The following HDAC9 variants were observed in gnomAD, a reference collection of about 807,000 sequenced individuals.
The protein encoded by HDAC9 is MEF-2 interacting transcription repressor (MITR) protein.
Under a neutral mutation model 139.4 loss-of-function variants are expected in HDAC9, and 41 were observed. The ratio of observed to expected loss-of-function variants is 0.29; its 90% CI spans 0.23 to 0.38. The LOEUF (loss-of-function observed/expected upper bound fraction) is 0.38, where lower values mean the gene tolerates loss of function less well. Ranked by LOEUF, HDAC9 falls within the 10% of genes least tolerant of loss-of-function variation. The pLI is 1.00. For synonymous variants in HDAC9, 517 were observed against 476.2 expected (o/e 1.09, Z -1.12); for missense variants, 1,147 against 1,297.0 (o/e 0.88, Z 1.78).
intron 1 of HDAC9, among the ~76,000 whole-genome samples, chr7:18,349,235 G>A (rs928526293): frequency 6.7e-6 from 1 of 149,678 alleles, no homozygotes; most frequent in African/African-American, 2.5e-5. Flanking sequence ...TCTTGCCTTA[G>A]GTAAGCTGTG....
At chr7:18,799,487 A>C (rs1677232427) in intron 17 of HDAC9, among the ~76,000 whole-genome samples, 1 of 152,248 alleles carries the variant, frequency 6.6e-6, no homozygotes, top group Non-Finnish European at 1.5e-5. Flanking sequence ...ACTAAGCTAG[A>C]TATTTTTAAT....
chr7:18,647,954 T>C lies in HDAC9; in HGVS notation c.1205T>C (p.Leu402Ser). The change falls in exon 10 of 26, where the codon TTA becomes TCA. Residue 402 changes from leucine to serine, a missense_variant. By Grantham distance (145) the Leu-to-Ser change is moderately radical (BLOSUM62 -2). Coordinates refer to ENST00000686413, the MANE Select transcript of HDAC9 (RefSeq NM_178425.4). ...NSSHQALLQH[L>S]LLKEQMRQQK... ...AGCCACCAGGCTCTCCTGCAGCATT[T>C]ATTATTGAAAGAACAAATGCGACAG... The C allele has an allele frequency of 2.5e-6, 4 of 1,612,306 alleles. No homozygotes were observed. The highest frequency in any genetic ancestry group is 3.4e-6 in the Non-Finnish European group (4 of 1,179,198).
chr7:18,843,395 C>T (rs1451396728), intron 21 of HDAC9, among the ~76,000 whole-genome samples: 1 of 151,922 alleles, frequency 6.6e-6, no homozygotes, highest in South Asian at 2.1e-4. Flanking sequence ...AAGGAGCTTA[C>T]GTCAATTCAT....
At chr7:18,238,885 G>C (rs1446209535) in intron 2 of HDAC9, among the ~76,000 whole-genome samples, 1 of 152,186 alleles carries the variant, frequency 6.6e-6, no homozygotes, top group East Asian at 1.9e-4. Flanking sequence ...GTGTGGAACA[G>C]ACTCCAGAGG....
chr7:18,549,901 A>AT (rs1352190548), intron 2 of HDAC9, among the ~76,000 whole-genome samples: 5 of 150,162 alleles, frequency 3.3e-5, no homozygotes, highest in Non-Finnish European at 7.4e-5. Context: ...CTTTTGCAGG[A>AT]TTTTTTTTCT....
chr7:18,351,218 A>G (rs1339140394), intron 1 of HDAC9, among the ~76,000 whole-genome samples: 1 of 152,178 alleles, frequency 6.6e-6, no homozygotes, highest in South Asian at 2.1e-4. Flanking sequence ...ACTTTAATAC[A>G]TCATTGCCTG....
intron 11 of HDAC9, among the ~76,000 whole-genome samples, chr7:18,659,259 G>T (rs2129056671): frequency 6.6e-6 from 1 of 152,210 alleles, no homozygotes; most frequent in Admixed American, 6.5e-5. Flanking sequence ...CTTGTATCAA[G>T]TTATATAATT....
intron 2 of HDAC9, among the ~76,000 whole-genome samples, chr7:18,190,496 C>T (rs1051632679): frequency 6.6e-6 from 1 of 152,000 alleles, no homozygotes; most frequent in Non-Finnish European, 1.5e-5. Context: ...TCCTGATAAA[C>T]CCATTATAAG....
chr7:18,103,614 C>T (rs761577211), intron 1 of HDAC9, among the ~76,000 whole-genome samples: 12 of 152,088 alleles, frequency 7.9e-5, no homozygotes, highest in Non-Finnish European at 1.3e-4. Flanking sequence ...GTCTCTGTCA[C>T]GTACAGCCAA....
chr7:18,635,277 A>T (rs533316764), intron 8 of HDAC9, among the ~76,000 whole-genome samples: 3 of 151,996 alleles, frequency 2.0e-5, no homozygotes, highest in Non-Finnish European at 4.4e-5. Flanking sequence ...CTGAAAAGTG[A>T]TGAAAAATAA....
rs1170873124 is a variant in HDAC9 at position 18,793,407 on chromosome 7, C to T, written c.2277C>T (p.Gly759=). The T allele has an allele frequency of 2.5e-6, 4 of 1,586,080 alleles. No homozygotes were observed. Among genetic ancestry groups the T allele is most frequent in the Non-Finnish European group, 3.4e-6 (4 of 1,166,230 alleles). ...HSSGAARMAV[G]CVIELASKVA... ...CCGGTGCTGCACGCATGGCTGTTGG[C>T]TGTGTCATCGAGCTGGCTTCCAAAG... is the stretch of plus-strand genomic sequence containing the variant. The change falls in exon 17 of 26, where the codon GGC becomes GGT. Residue 759 remains glycine, a synonymous_variant. Coordinates refer to ENST00000686413, the MANE Select transcript of HDAC9 (RefSeq NM_178425.4).
intron 1 of HDAC9, among the ~76,000 whole-genome samples, chr7:18,456,208 A>C (rs999338877): frequency 9.9e-5 from 15 of 152,118 alleles, no homozygotes; most frequent in African/African-American, 3.4e-4. Context: ...TTATTTGTCC[A>C]ACTTTACTTT....
chr7:18,908,763 T>C (rs1015337786), intron 22 of HDAC9, among the ~76,000 whole-genome samples: 2 of 152,108 alleles, frequency 1.3e-5, no homozygotes, highest in Non-Finnish European at 2.9e-5. Flanking sequence ...TTGTATAAGA[T>C]TCCATTGTCT....
intron 1 of HDAC9, among the ~76,000 whole-genome samples, chr7:18,297,046 T>C (rs1034136670): frequency 1.3e-5 from 2 of 152,138 alleles, no homozygotes; most frequent in African/African-American, 4.8e-5. Flanking sequence ...CAATTCAAGA[T>C]AGAGACTTAG....
Position 18,476,051 on chromosome 7 carries a change from A to G in HDAC9, c.-41-20211A>G, listed in dbSNP as rs6952134. The stretch of plus-strand genomic sequence containing the variant: ...ACCTCTTATTGCATGTTTGGTCTCC[A>G]TTAGGGATGACAAGCCAATTTTTGG... On this transcript the variant is annotated intron_variant, in intron 1 of 3. Coordinates refer to the HDAC9 transcript ENST00000413509. 8.6e-3 allele frequency among the ~76,000 whole-genome samples: 1,310 copies of G among 152,332 alleles called. 18 individuals carry two copies. Among genetic ancestry groups the G allele is most frequent in the African/African-American group, 0.03 (1,233 of 41,580 alleles).
chr7:18,247,815 G>T (rs1045351876), intron 2 of HDAC9, among the ~76,000 whole-genome samples: 6 of 152,084 alleles, frequency 3.9e-5, no homozygotes, highest in Admixed American at 3.9e-4. Flanking sequence ...GGAGAGAAAA[G>T]AAACAGATCT....
chr7:18,159,876 G>A (rs1426757310), intron 1 of HDAC9, among the ~76,000 whole-genome samples: 1 of 152,106 alleles, frequency 6.6e-6, no homozygotes, highest in Non-Finnish European at 1.5e-5. Context: ...CTGAAGGCAA[G>A]GGGAGTTGTT....
intron 2 of HDAC9, among the ~76,000 whole-genome samples, chr7:18,238,193 A>G (rs1384468550): frequency 6.6e-6 from 1 of 152,200 alleles, no homozygotes; most frequent in East Asian, 1.9e-4. Context: ...GAGCATACCA[A>G]TAGTAGTGTG....
At chr7:18,779,003 A>G (rs943362205) in intron 16 of HDAC9, among the ~76,000 whole-genome samples, 3 of 151,982 alleles carry the variant, frequency 2.0e-5, no homozygotes, top group African/African-American at 7.2e-5. Context: ...TTCTTTCCAT[A>G]TGGAATATCA....
Sources: allele counts gnomAD v4.1 joint callset (sites outside exome capture counted in the v4.1 genomes callset), GRCh38; gene constraint gnomAD v4.1.1; transcripts MANE v1.5; gene names NCBI Gene and HGNC (gene_info 2026-07-23, HGNC 2026-07-21).